Variants in NTRK2 observed in about 807,000 individuals in gnomAD.
The protein encoded by NTRK2 is neurotrophic receptor tyrosine kinase 2.
NTRK2 carries 13 observed loss-of-function variants against 94.5 expected under a neutral mutation model. The ratio of observed to expected loss-of-function variants is 0.14; its 90% CI spans 0.09 to 0.22. NTRK2 has a LOEUF of 0.22. Ranked by LOEUF, NTRK2 falls within the 10% of genes least tolerant of loss-of-function variation. The pLI is 1.00. For synonymous variants in NTRK2, 372 were observed against 407.4 expected, an observed-to-expected ratio of 0.91 and a Z score of 1.05; for missense variants, 639 against 1,071.2, an observed-to-expected ratio of 0.60 and a Z score of 5.63.
At chr9:84,702,282 T>C (rs201181638) in intron 3 of NTRK2, 49 bp downstream of exon 3, 1 of 1,609,504 alleles carries the variant, frequency 6.2e-7, no homozygotes. Context: ...TTTCCTGTTG[T>C]CTGCTCTGGT....
At chr9:85,015,831 C>A (rs1003265357) in intron 17 of NTRK2, among the ~76,000 whole-genome samples, 6 of 152,104 alleles carry the variant, frequency 3.9e-5, no homozygotes, top group African/African-American at 1.4e-4. Flanking sequence ...TAACTTGGCC[C>A]TGGGTAGGAA....
At chr9:84,992,736 A>C (rs1829246462) in intron 17 of NTRK2, among the ~76,000 whole-genome samples, 3 of 152,042 alleles carry the variant, frequency 2.0e-5, no homozygotes, top group African/African-American at 7.3e-5. Flanking sequence ...AGTTAATTGC[A>C]AGGGTCCAAT....
rs1284937999 is a variant in NTRK2, at chr9:84,727,707, A to C, written c.907A>C (p.Ile303Leu). The change falls in exon 9 of 19, where the codon ATT becomes CTT. Residue 303 changes from isoleucine to leucine, a missense_variant. Transcript: ENST00000277120. ...TCCAACCTCAGACCACCACTGGTGCATTCCATTCACTGTGAAAGGCAACCC... is the reference window on the plus strand; with the variant it reads ...TCCAACCTCAGACCACCACTGGTGCCTTCCATTCACTGTGAAAGGCAACCC... ...ESPTSDHHWC[I>L]PFTVKGNPKP... 2 of 1,613,550 alleles carry C rather than the reference A, an allele frequency of 1.2e-6. No homozygotes were observed. The highest frequency in any genetic ancestry group is 1.7e-6 in the Non-Finnish European group (2 of 1,180,028).
intron 14 of NTRK2, among the ~76,000 whole-genome samples, chr9:84,917,445 G>A (rs1048041911): frequency 1.3e-5 from 2 of 152,166 alleles, no homozygotes; most frequent in Non-Finnish European, 2.9e-5. Flanking sequence ...AATGACAGCT[G>A]CATGGCATGG....
At chr9:84,814,352 T>C (rs555603154) in intron 12 of NTRK2, 1 of 1,065,584 alleles carries the variant, frequency 9.4e-7, no homozygotes, top group African/African-American at 1.6e-5. Context: ...AAAACCAGTT[T>C]CACGCCAGGT....
intron 14 of NTRK2, among the ~76,000 whole-genome samples, chr9:84,902,764 C>T (rs924466784): frequency 6.6e-6 from 1 of 152,152 alleles, no homozygotes; most frequent in African/African-American, 2.4e-5. Context: ...CAGAGACACC[C>T]TGGGCTCTGC....
At position 84,906,614 on chromosome 9, in the gene NTRK2, CCCT is replaced by C. The variant is rs2077084193; in HGVS notation, c.1634-27547_1634-27545del. On this transcript the variant is annotated intron_variant, in intron 14 of 18. Transcript: ENST00000277120. ...TTCTGTCCAACCACTACGTTGATGA[CCCT>C]TGCTGGATTTAGTGTGTTTTCCATT... Among the ~76,000 whole-genome samples the C allele has an allele frequency of 2.6e-5, 4 of 152,296 alleles. No homozygotes were observed. In the South Asian group the frequency reaches 8.3e-4, roughly 32 times the overall value.
At chr9:84,689,190 CA>C (rs780269914) in intron 2 of NTRK2, among the ~76,000 whole-genome samples, 3 of 152,224 alleles carry the variant, frequency 2.0e-5, no homozygotes, top group Non-Finnish European at 4.4e-5. Flanking sequence ...GACTGAAAAG[CA>C]AAAGACTCTG....
chr9:85,008,193 G>T lies in NTRK2; in HGVS notation c.2173-12013G>T, dbSNP rs369392773. On this transcript the variant is annotated intron_variant, in intron 17 of 18. Transcript: ENST00000277120. The stretch of plus-strand genomic sequence containing the variant: ...TTAAGGAGTGAACCAAACTGTATTA[G>T]TGCTGGGACTATCACAAGCCACAGC... Among the ~76,000 whole-genome samples the T allele has an allele frequency of 3.8e-4, 57 of 151,670 alleles. 2 individuals are homozygous for T. In the South Asian group the frequency reaches 0.012, roughly 31 times the overall value.
At position 84,833,533 on chromosome 9, in the gene NTRK2, T is replaced by C. The variant is rs566454362; in HGVS notation, c.1397-27507T>C. Among the ~76,000 whole-genome samples the C allele has an allele frequency of 3.5e-5, 5 of 144,392 alleles. No homozygotes were observed. In the South Asian group the frequency reaches 1.1e-3, roughly 32 times the overall value. The allele number at this position is 144,392 out of a possible 152,430, so 94.7% of individuals were successfully genotyped here. A position where few individuals can be genotyped will look rare whatever the true frequency, so the allele number is the denominator to read the frequency against. On this transcript the variant is annotated intron_variant, in intron 12 of 18. Coordinates refer to ENST00000277120, the MANE Select transcript of NTRK2 (RefSeq NM_006180.6). ...GGAAGGAAGGGATCACTCTAGTAGA[T>C]ACTAAGAAAGGAAAGAAAAAAGAAG... is the stretch of plus-strand genomic sequence containing the variant.
intron 12 of NTRK2, among the ~76,000 whole-genome samples, chr9:84,836,096 T>C (rs2073859226): frequency 6.6e-6 from 1 of 152,228 alleles, no homozygotes; most frequent in East Asian, 1.9e-4. Flanking sequence ...CATAGTTCTG[T>C]TCTTTGCCAA....
At chr9:84,842,672 C>T (rs985040205) in intron 12 of NTRK2, among the ~76,000 whole-genome samples, 13 of 152,152 alleles carry the variant, frequency 8.5e-5, no homozygotes, top group Non-Finnish European at 1.6e-4. Context: ...GGCTTCCCTC[C>T]GTATGACCAT....
At chr9:85,019,158 C>T (rs1028841589) in intron 17 of NTRK2, among the ~76,000 whole-genome samples, 10 of 152,104 alleles carry the variant, frequency 6.6e-5, no homozygotes, top group African/African-American at 2.4e-4. Flanking sequence ...TTAATAAATA[C>T]TAACTGGATA....
At chr9:84,708,229 C>T (rs1435806626) in intron 5 of NTRK2, among the ~76,000 whole-genome samples, 2 of 152,140 alleles carry the variant, frequency 1.3e-5, no homozygotes, top group Non-Finnish European at 2.9e-5. Context: ...GTGAAAACGG[C>T]TGTATGCTTT....
intron 12 of NTRK2, among the ~76,000 whole-genome samples, chr9:84,779,739 A>T (rs764861425): frequency 3.3e-5 from 5 of 152,208 alleles, no homozygotes; most frequent in Non-Finnish European, 7.3e-5. Flanking sequence ...ACTGTTCAAG[A>T]TCAAGAAGGT....
At chr9:84,971,866 G>C (rs1826224502) in intron 17 of NTRK2, among the ~76,000 whole-genome samples, 1 of 152,164 alleles carries the variant, frequency 6.6e-6, no homozygotes, top group East Asian at 1.9e-4. Context: ...GGTGGATTGG[G>C]TATGGAAAGG....
chr9:84,700,529 CAG>C (rs112455452), intron 2 of NTRK2, among the ~76,000 whole-genome samples: 5 of 152,198 alleles, frequency 3.3e-5, no homozygotes, highest in African/African-American at 9.6e-5. Flanking sequence ...TTTTATGTAA[CAG>C]GGGACAATGT....
At chr9:84,872,785 AGCACAGATTCATAG>A in intron 14 of NTRK2, 1 of 1,064,718 alleles carries the variant, frequency 9.4e-7, no homozygotes, top group Non-Finnish European at 1.1e-6. Context: ...TATGTAAATA[AGCACAGATTCATAG>A]GCCAGCTAGG....
chr9:84,875,042 C>T (rs201509733), intron 14 of NTRK2: 792 of 1,058,834 alleles, frequency 7.5e-4, no homozygotes, highest in Non-Finnish European at 8.8e-4. Context: ...AAAGATGAAA[C>T]GAAAAGTCCC....
Sources: gnomAD v4.1 joint callset for allele counts (sites outside exome capture counted in the v4.1 genomes callset) on GRCh38, gnomAD v4.1.1 for gene constraint, MANE v1.5 for transcripts, NCBI Gene and HGNC (gene_info 2026-07-23, HGNC 2026-07-21) for gene names.